The following CPQ variants were observed in gnomAD, a reference collection of about 807,000 sequenced individuals.
CPQ encodes the protein carboxypeptidase Q.
In CPQ, 37 loss-of-function variants were observed where a neutral mutation model predicts 45.7. The observed-to-expected ratio is 0.81, with a 90% confidence interval of 0.62 to 1.07. The LOEUF (loss-of-function observed/expected upper bound fraction) is 1.07. CPQ is among the 50% of genes least tolerant of loss of function. The probability of loss-of-function intolerance (pLI) is 0.00; values close to 1 mark genes in which losing one functional copy is unlikely to be tolerated. For missense variants in CPQ, 537 were observed against 572.9 expected (o/e 0.94, Z 0.64); for synonymous variants, 186 against 205.8 (o/e 0.90, Z 0.82).
At chr8:96,727,969 A>G (rs1809866220) in intron 1 of CPQ, among the ~76,000 whole-genome samples, 1 of 152,212 alleles carries the variant, frequency 6.6e-6, no homozygotes, top group African/African-American at 2.4e-5. Flanking sequence ...GATTCAACCC[A>G]TAGGTCGCCC....
chr8:96,999,919 T>C (rs1317675442), intron 5 of CPQ, among the ~76,000 whole-genome samples: 3 of 152,022 alleles, frequency 2.0e-5, no homozygotes, highest in African/African-American at 7.2e-5. Context: ...GACTTTTTAA[T>C]AACAGACATT....
intron 1 of CPQ, among the ~76,000 whole-genome samples, chr8:96,733,419 T>C (rs544100520): frequency 6.6e-6 from 1 of 152,350 alleles, no homozygotes; most frequent in Admixed American, 6.5e-5. Flanking sequence ...TACATGACTT[T>C]ATGTATTATG....
At chr8:96,933,083 G>A (rs1812995687) in intron 4 of CPQ, among the ~76,000 whole-genome samples, 1 of 152,128 alleles carries the variant, frequency 6.6e-6, no homozygotes, top group Non-Finnish European at 1.5e-5. Context: ...GCCTCAGAGA[G>A]GACCACTGAA....
At chr8:96,780,044 G>A (rs1038104070) in intron 1 of CPQ, among the ~76,000 whole-genome samples, 37 of 152,134 alleles carry the variant, frequency 2.4e-4, no homozygotes, top group African/African-American at 8.9e-4. Flanking sequence ...TATACTCTGG[G>A]AAGCTAAGAC....
chr8:96,750,282 A>G (rs1327265994), intron 1 of CPQ, among the ~76,000 whole-genome samples: 2 of 151,868 alleles, frequency 1.3e-5, no homozygotes, highest in Non-Finnish European at 2.9e-5. Context: ...TTCAAACTAT[A>G]TTTTTCAAAA....
chr8:96,727,348 T>A (rs1051509528), intron 1 of CPQ, among the ~76,000 whole-genome samples: 1 of 152,180 alleles, frequency 6.6e-6, no homozygotes, highest in African/African-American at 2.4e-5. Flanking sequence ...TCTGAGGGTG[T>A]CTCACTTTGA....
chr8:97,019,779 G>A (rs1423465360), intron 5 of CPQ, among the ~76,000 whole-genome samples: 1 of 152,030 alleles, frequency 6.6e-6, no homozygotes, highest in Non-Finnish European at 1.5e-5. Context: ...TAATAGTGGG[G>A]GACTTCAGTA....
chr8:96,917,683 G>A (rs1283930661), intron 4 of CPQ, among the ~76,000 whole-genome samples: 2 of 152,082 alleles, frequency 1.3e-5, no homozygotes, highest in African/African-American at 4.8e-5. Context: ...ATGTATGTGT[G>A]TATACTAACC....
At chr8:96,970,559 A>C (rs893394595) in intron 5 of CPQ, among the ~76,000 whole-genome samples, 2 of 150,994 alleles carry the variant, frequency 1.3e-5, no homozygotes, top group African/African-American at 4.9e-5. Context: ...CGCCATGCCC[A>C]ACACTCTTTT....
chr8:96,949,185 T>A (rs1169900010), intron 4 of CPQ, among the ~76,000 whole-genome samples: 2 of 152,102 alleles, frequency 1.3e-5, no homozygotes, highest in South Asian at 4.1e-4. Context: ...TTTCATTAGT[T>A]GTTTTCTTTT....
At chr8:96,841,519 G>C (rs1478325476) in intron 3 of CPQ, among the ~76,000 whole-genome samples, 5 of 152,206 alleles carry the variant, frequency 3.3e-5, no homozygotes, top group East Asian at 3.8e-4. Context: ...CATTGCCCCA[G>C]ATAGTTGAAC....
chr8:96,854,549 A>AAAAAC (rs1283154638), intron 3 of CPQ, among the ~76,000 whole-genome samples: 3 of 112,052 alleles, frequency 2.7e-5, no homozygotes, highest in African/African-American at 3.5e-5. Context: ...AAAAAAAAAA[A>AAAAAC]AAAAAAAAAA....
At chr8:97,031,538 A>G (rs1239208488) in intron 6 of CPQ, among the ~76,000 whole-genome samples, 2 of 152,192 alleles carry the variant, frequency 1.3e-5, no homozygotes, top group African/African-American at 4.8e-5. Context: ...TTAAATTGCA[A>G]TTGATCTGGC....
At chr8:96,983,522 A>G (rs1258312222) in intron 5 of CPQ, among the ~76,000 whole-genome samples, 1 of 152,162 alleles carries the variant, frequency 6.6e-6, no homozygotes, top group East Asian at 1.9e-4. Flanking sequence ...AAATGATTAT[A>G]TTGACTTGAA....
chr8:96,853,981 G>C (rs1811806795), intron 3 of CPQ, among the ~76,000 whole-genome samples: 1 of 152,138 alleles, frequency 6.6e-6, no homozygotes, highest in Admixed American at 6.5e-5. Context: ...CAGCAAGGTA[G>C]TATATTGTAT....
At chr8:96,875,662 C>T (rs1812135793) in intron 3 of CPQ, among the ~76,000 whole-genome samples, 1 of 151,794 alleles carries the variant, frequency 6.6e-6, no homozygotes, top group Non-Finnish European at 1.5e-5. Context: ...ATGTATCTAT[C>T]CTTATACCAG....
At chr8:97,000,386 G>A (rs1359971892) in intron 5 of CPQ, among the ~76,000 whole-genome samples, 1 of 152,062 alleles carries the variant, frequency 6.6e-6, no homozygotes, top group African/African-American at 2.4e-5. Flanking sequence ...TTACATTGAA[G>A]TTTTTAATCC....
chr8:96,884,842 CA>C (rs1812278280), intron 4 of CPQ, among the ~76,000 whole-genome samples: 1 of 152,140 alleles, frequency 6.6e-6, no homozygotes, highest in Admixed American at 6.5e-5. Flanking sequence ...CTGCCTGACA[CA>C]ACCTTGCTAC....
At chr8:96,674,885 T>C (rs1809054979) in intron 1 of CPQ, among the ~76,000 whole-genome samples, 1 of 152,098 alleles carries the variant, frequency 6.6e-6, no homozygotes, top group Non-Finnish European at 1.5e-5. Context: ...AAAGAGTTAG[T>C]GTTGTCTATT....
Sources: gnomAD v4.1 joint callset for allele counts (sites outside exome capture counted in the v4.1 genomes callset) on GRCh38, gnomAD v4.1.1 for gene constraint, MANE v1.5 for transcripts, NCBI Gene and HGNC (gene_info 2026-07-23, HGNC 2026-07-21) for gene names.